Variants in SEC31A observed in about 807,000 individuals in gnomAD.
SEC31A encodes the protein protein transport protein Sec31A.
In SEC31A, 70 loss-of-function variants were observed where a neutral mutation model predicts 151.0. The ratio of observed to expected loss-of-function variants is 0.46; its 90% CI spans 0.38 to 0.57. SEC31A has a LOEUF of 0.57. Ranked by LOEUF, SEC31A falls within the 20% of genes least tolerant of loss-of-function variation. The pLI, the probability that SEC31A is intolerant of heterozygous loss-of-function variation, is 0.00. For missense variants in SEC31A, 1,330 were observed against 1,471.2 expected, an observed-to-expected ratio of 0.90 and a Z score of 1.57; for synonymous variants, 475 against 505.9, an observed-to-expected ratio of 0.94 and a Z score of 0.82.
At chr4:82,900,507 T>G in exon 1 of SEC31A, 1 of 445,306 alleles carries the variant, frequency 2.2e-6, no homozygotes, top group Non-Finnish European at 4.0e-6. Flanking sequence ...AGAAGGAAAA[T>G]AAACCGGTTG....
chr4:82,849,618 A>AC (rs1731030821), intron 19 of SEC31A, among the ~76,000 whole-genome samples: 1 of 151,368 alleles, frequency 6.6e-6, no homozygotes, highest in Non-Finnish European at 1.5e-5. Flanking sequence ...CGTCTCAAAA[A>AC]AAAAAAAAAA....
chr4:82,845,322 A>C (rs1210389524), intron 20 of SEC31A: 1 of 1,263,752 alleles, frequency 7.9e-7, no homozygotes, highest in South Asian at 1.6e-5. Flanking sequence ...TACCAATCAC[A>C]GAAAATAAAA....
In SEC31A at chr4:82,842,240, G is replaced by T; in HGVS notation, c.2868C>A (p.Gly956=). 1 of 1,613,694 alleles carries T rather than the reference G, an allele frequency of 6.2e-7. No homozygotes were observed. The highest frequency in any genetic ancestry group is 8.5e-7 in the Non-Finnish European group (1 of 1,179,738). ...AAGATGATGGTGGAGCTCCTGGTCC[G>T]CCATGCTGGAAGGATGCTCCAGAGG... ...PPSSGASFQH[G]GPGAPPSSSA... is the part of the protein sequence containing the mutation. The change falls in exon 22 of 27, where the codon GGC becomes GGA. Residue 956 remains glycine (G), a synonymous_variant. Transcript: ENST00000395310.
intron 25 of SEC31A, among the ~76,000 whole-genome samples, chr4:82,821,695 T>C (rs1723401783): frequency 6.6e-6 from 1 of 152,040 alleles, no homozygotes; most frequent in Admixed American, 6.6e-5. Context: ...TTGGATTTCA[T>C]ATGAACTGCA....
chr4:82,872,167 T>G (rs1277976774), intron 6 of SEC31A, 81 bp from the exon 7 acceptor site: 3 of 1,008,154 alleles, frequency 3.0e-6, no homozygotes, highest in Non-Finnish European at 3.1e-6. Flanking sequence ...ATACCTTTAT[T>G]GAAACAAATA....
intron 1 of SEC31A, among the ~76,000 whole-genome samples, chr4:82,890,392 TCA>T (rs1742065342): frequency 6.6e-6 from 1 of 152,242 alleles, no homozygotes; most frequent in South Asian, 2.1e-4. Flanking sequence ...AAAGGATTTG[TCA>T]CAGACTATCA....
Position 82,848,880 on chromosome 4 carries a change from A to G in SEC31A, c.2426T>C (p.Leu809Pro). ...SPKIPYEKQQ[L>P]PKGRPGPVAG... is the part of the protein sequence containing the mutation. Reference sequence around the variant, plus strand: ...AACTGGTCCAGGCCTGCCCTTGGGGAGCTGCTGTTTCTCGTACGGAATTTT... The same window carrying G: ...AACTGGTCCAGGCCTGCCCTTGGGGGGCTGCTGTTTCTCGTACGGAATTTT... Residue 809 changes from leucine to proline, a missense_variant, in exon 20 of 27, where the codon CTC (leucine) becomes CCC (proline). Transcript: ENST00000395310. 1 of 1,613,992 alleles carries G rather than the reference A, an allele frequency of 6.2e-7. No individual in the cohort carries two copies. The highest frequency in any genetic ancestry group is 1.7e-5 in the Admixed American group (1 of 59,998).
intron 4 of SEC31A, chr4:82,877,639 T>G (rs1738289864): frequency 6.6e-6 from 1 of 152,200 alleles, no homozygotes; most frequent in Non-Finnish European, 1.5e-5. Flanking sequence ...CAACCAGAAA[T>G]GTTTATGAAG....
intron 25 of SEC31A, among the ~76,000 whole-genome samples, chr4:82,821,920 C>A (rs1667146913): frequency 6.6e-6 from 1 of 152,028 alleles, no homozygotes; most frequent in South Asian, 2.1e-4. Context: ...TTAATCCTGC[C>A]TTTTTCTAAG....
At position 82,842,385 on chromosome 4, in the gene SEC31A, G is replaced by C; in HGVS notation, c.2723C>G (p.Pro908Arg). 6.2e-7 allele frequency: 1 copy of C among 1,613,986 alleles called. No individual in the cohort carries two copies. The highest frequency in any genetic ancestry group is 8.5e-7 in the Non-Finnish European group (1 of 1,179,992). ...PVAPPTSNAY[P>R]NTPYISSASS... ...AGCAGAAGATATGTAAGGGGTGTTA[G>C]GGTAAGCGTTTGAAGTAGGAGGAGC... The change falls in exon 22 of 27, where the codon CCT becomes CGT. Residue 908 changes from proline (P) to arginine (R), a missense_variant. By Grantham distance (103) the Pro-to-Arg change is moderately radical. Coordinates refer to ENST00000395310, the MANE Select transcript of SEC31A (RefSeq NM_001077207.4).
intron 19 of SEC31A, among the ~76,000 whole-genome samples, chr4:82,849,825 G>A (rs990390749): frequency 2.6e-5 from 4 of 151,966 alleles, no homozygotes; most frequent in Admixed American, 1.3e-4. Flanking sequence ...CCCTATATAT[G>A]CTCTAAGTAT....
intron 3 of SEC31A, among the ~76,000 whole-genome samples, chr4:82,879,893 G>T (rs529636049): frequency 6.6e-6 from 1 of 152,070 alleles, no homozygotes. Context: ...TCTAAATATC[G>T]TAACAGAAGA....
intron 3 of SEC31A, among the ~76,000 whole-genome samples, chr4:82,896,663 T>C (rs6855151): frequency 0.45 from 68,625 of 152,056 alleles, 18,166 homozygotes; most frequent in Admixed American, 0.6. Context: ...GAGAAGCTAA[T>C]TGGAACTAGA....
intron 16 of SEC31A, among the ~76,000 whole-genome samples, chr4:82,856,043 T>A (rs1732560287): frequency 6.6e-6 from 1 of 152,174 alleles, no homozygotes; most frequent in Non-Finnish European, 1.5e-5. Context: ...TATCACTATA[T>A]AAACAAGCGT....
At chr4:82,882,834 G>A (rs1739690326) in intron 1 of SEC31A, among the ~76,000 whole-genome samples, 1 of 152,168 alleles carries the variant, frequency 6.6e-6, no homozygotes, top group Non-Finnish European at 1.5e-5. Context: ...TTACTTTGAT[G>A]GAGTCAGGCA....
chr4:82,865,765 A>G (rs1449939042), intron 10 of SEC31A, among the ~76,000 whole-genome samples: 1 of 152,060 alleles, frequency 6.6e-6, no homozygotes, highest in Non-Finnish European at 1.5e-5. Flanking sequence ...GAATGTGGTT[A>G]CCAGGGATTC....
chr4:82,876,614 T>TTG (rs1491468690), intron 4 of SEC31A, among the ~76,000 whole-genome samples: 2 of 152,222 alleles, frequency 1.3e-5, no homozygotes, highest in Non-Finnish European at 2.9e-5. Context: ...GTAAAATCTC[T>TTG]TGTCATAACT....
At chr4:82,833,819 T>C (rs1014833155) in intron 22 of SEC31A, among the ~76,000 whole-genome samples, 16 of 152,144 alleles carry the variant, frequency 1.1e-4, no homozygotes, top group African/African-American at 3.4e-4. Flanking sequence ...TGCAATTAAA[T>C]AGGCAGTAAA....
intron 1 of SEC31A, among the ~76,000 whole-genome samples, chr4:82,886,389 A>G (rs1740716852): frequency 6.6e-6 from 1 of 152,224 alleles, no homozygotes; most frequent in Admixed American, 6.5e-5. Flanking sequence ...AATAGGGAAA[A>G]GAGTGACAAC....
Sources: gnomAD v4.1 joint callset for allele counts (sites outside exome capture counted in the v4.1 genomes callset) on GRCh38, gnomAD v4.1.1 for gene constraint, MANE v1.5 for transcripts, NCBI Gene and HGNC (gene_info 2026-07-23, HGNC 2026-07-21) for gene names.